KHDRBS3: variants seen among roughly 807,000 people sequenced by gnomAD.
KHDRBS3 encodes the protein KH domain-containing, RNA-binding, signal transduction-associated protein 3.
In KHDRBS3, 23 loss-of-function variants were observed where a neutral mutation model predicts 45.6. That is an observed-to-expected ratio of 0.50 (90% CI 0.36 to 0.72). The LOEUF (loss-of-function observed/expected upper bound fraction) is 0.72. Among genes scored for constraint, KHDRBS3 ranks in the 30% least tolerant of loss-of-function variants. The pLI is 0.00. For missense variants in KHDRBS3, 352 were observed against 424.8 expected, an observed-to-expected ratio of 0.83 and a Z score of 1.51; for synonymous variants, 162 against 156.5, an observed-to-expected ratio of 1.04 and a Z score of -0.26.
At chr8:135,648,734 C>G (rs2131215082), downstream of KHDRBS3, 1 of 152,230 alleles carries the variant, frequency 6.6e-6, no homozygotes, top group South Asian at 2.1e-4. Flanking sequence ...CAGATTAACT[C>G]CAAAGGTCAG....
chr8:135,623,331 G>A (rs1830225391), intron 7 of KHDRBS3, among the ~76,000 whole-genome samples: 2 of 152,334 alleles, frequency 1.3e-5, no homozygotes, highest in South Asian at 4.1e-4. Flanking sequence ...TGAAGCTTGA[G>A]TCAAAAGACA....
At chr8:135,635,559 T>A (rs1021542464) in intron 7 of KHDRBS3, among the ~76,000 whole-genome samples, 90 of 152,272 alleles carry the variant, frequency 5.9e-4, no homozygotes, top group African/African-American at 4.6e-4. Flanking sequence ...AATTTTGTAT[T>A]TTTAGTGGAG....
chr8:135,557,692 G>A, intron 5 of KHDRBS3, 105 bp downstream of exon 5: 1 of 832,312 alleles, frequency 1.2e-6, no homozygotes, highest in Non-Finnish European at 2.0e-6. Flanking sequence ...TTGTATTCAT[G>A]TGGGCATGGT....
chr8:135,475,360 G>T (rs1822222629), intron 1 of KHDRBS3, among the ~76,000 whole-genome samples: 1 of 151,964 alleles, frequency 6.6e-6, no homozygotes, highest in Non-Finnish European at 1.5e-5. Flanking sequence ...GCCCAGGCTG[G>T]AATGAAGTGG....
intron 1 of KHDRBS3, among the ~76,000 whole-genome samples, chr8:135,487,903 G>A (rs1182520969): frequency 6.6e-6 from 1 of 152,158 alleles, no homozygotes; most frequent in Non-Finnish European, 1.5e-5. Flanking sequence ...TTGGATTTAA[G>A]GGATTGTTCA....
At chr8:135,612,975 C>T (rs943224463) in intron 7 of KHDRBS3, among the ~76,000 whole-genome samples, 3 of 151,778 alleles carry the variant, frequency 2.0e-5, no homozygotes, top group Admixed American at 2.0e-4. Context: ...CTCTCTATTA[C>T]AGTGTCTTCT....
At chr8:135,495,618 C>T (rs192928262) in intron 1 of KHDRBS3, among the ~76,000 whole-genome samples, 59 of 152,346 alleles carry the variant, frequency 3.9e-4, no homozygotes, top group Non-Finnish European at 1.2e-4. Context: ...TCCTTTGCAA[C>T]TTCTTATTTC....
In KHDRBS3 at chr8:135,614,123, TTTAA is replaced by T. The variant is rs1209007656; in HGVS notation, c.890+7088_890+7091del. 3.9e-5 allele frequency among the ~76,000 whole-genome samples: 6 copies of T among 151,914 alleles called. No individual in the cohort carries two copies. The East Asian group carries it at 7.7e-4, about 19-fold the overall frequency. ...AGTATCGTTTATCTAACTTCACACA[TTTAA>T]TGAGTAACAAGATTTTGACACAGTT... On this transcript the variant is annotated intron_variant, in intron 7 of 8. Coordinates refer to ENST00000355849, the MANE Select transcript of KHDRBS3 (RefSeq NM_006558.3).
At chr8:135,617,934 G>A (rs1315043383) in intron 7 of KHDRBS3, among the ~76,000 whole-genome samples, 2 of 152,124 alleles carry the variant, frequency 1.3e-5, no homozygotes, top group Admixed American at 1.3e-4. Context: ...ACAGACTTGA[G>A]GACAGAGCTC....
At chr8:135,462,121 C>A (rs1301804532) in intron 1 of KHDRBS3, among the ~76,000 whole-genome samples, 1 of 151,994 alleles carries the variant, frequency 6.6e-6, no homozygotes, top group Non-Finnish European at 1.5e-5. Context: ...ATGAGAACTG[C>A]AGAACTGTAT....
intron 1 of KHDRBS3, among the ~76,000 whole-genome samples, chr8:135,484,029 T>C (rs1822720903): frequency 6.6e-6 from 1 of 152,216 alleles, no homozygotes; most frequent in African/African-American, 2.4e-5. Flanking sequence ...GCTTACTAGC[T>C]GTATGTCCTG....
chr8:135,521,231 C>T lies in KHDRBS3; in HGVS notation c.89-6C>T. The T allele has an allele frequency of 1.3e-6, 2 of 1,572,214 alleles. No homozygotes were observed. The highest frequency in any genetic ancestry group is 1.8e-6 in the Non-Finnish European group (2 of 1,142,420). ...ACACTTCATGGTTATCTTTTTGCCT[C>T]CACAGAAATAGAAAAGTTTCAAAAA... On this transcript the variant is annotated splice_polypyrimidine_tract_variant and splice_region_variant and intron_variant, in intron 1 of 8. Transcript: ENST00000355849.
chr8:135,566,564 T>C (rs770429644), intron 5 of KHDRBS3, among the ~76,000 whole-genome samples: 2 of 152,078 alleles, frequency 1.3e-5, no homozygotes, highest in Non-Finnish European at 2.9e-5. Flanking sequence ...ATTATTAAAG[T>C]TTTATTTTGG....
At chr8:135,536,887 G>A (rs1311579583) in intron 2 of KHDRBS3, among the ~76,000 whole-genome samples, 1 of 144,302 alleles carries the variant, frequency 6.9e-6, no homozygotes, top group East Asian at 2.0e-4. Flanking sequence ...ATGAACCCGG[G>A]AAGCGGAGCT....
intron 2 of KHDRBS3, among the ~76,000 whole-genome samples, chr8:135,536,999 G>GAAAAAAAAAAAAAAA (rs1375807666): frequency 1.4e-4 from 4 of 29,408 alleles, no homozygotes; most frequent in African/African-American, 4.2e-4. Flanking sequence ...AAAAAAAAAG[G>GAAAAAAAAAAAAAAA]AGATGTTTAG....
At chr8:135,487,539 C>T (rs1182739192) in intron 1 of KHDRBS3, among the ~76,000 whole-genome samples, 1 of 152,160 alleles carries the variant, frequency 6.6e-6, no homozygotes, top group African/African-American at 2.4e-5. Context: ...CATGGTGATC[C>T]TATCATGGTG....
intron 3 of KHDRBS3, among the ~76,000 whole-genome samples, chr8:135,545,350 A>C (rs1826241296): frequency 6.6e-6 from 1 of 152,162 alleles, no homozygotes; most frequent in African/African-American, 2.4e-5. Flanking sequence ...CATGGGAAAA[A>C]CATCACCAGG....
At chr8:135,616,317 A>AC (rs1829913482) in intron 7 of KHDRBS3, among the ~76,000 whole-genome samples, 1 of 152,208 alleles carries the variant, frequency 6.6e-6, no homozygotes, top group African/African-American at 2.4e-5. Flanking sequence ...CTCAAAAGCA[A>AC]CTAGTAAGGG....
At chr8:135,557,761 G>A (rs573997937) in intron 5 of KHDRBS3, among the ~76,000 whole-genome samples, 174 bp downstream of exon 5, 106 of 152,246 alleles carry the variant, frequency 7.0e-4, no homozygotes, top group African/African-American at 2.4e-3. Context: ...CGAGGCCATG[G>A]TATGCTACGA....
Sources: gnomAD v4.1 joint callset for allele counts (sites outside exome capture counted in the v4.1 genomes callset) on GRCh38, gnomAD v4.1.1 for gene constraint, MANE v1.5 for transcripts, NCBI Gene and HGNC (gene_info 2026-07-23, HGNC 2026-07-21) for gene names.